PMEPA1: variants seen among roughly 807,000 people sequenced by gnomAD.
The protein encoded by PMEPA1 is protein TMEPAI.
In PMEPA1, 11 loss-of-function variants were observed where a neutral mutation model predicts 23.0. The ratio of observed to expected loss-of-function variants is 0.48; its 90% CI spans 0.30 to 0.79. PMEPA1 has a LOEUF of 0.79. Ranked by LOEUF, PMEPA1 falls within the 30% of genes least tolerant of loss-of-function variation. The pLI is 0.06. For synonymous variants in PMEPA1, 204 were observed against 166.4 expected, an observed-to-expected ratio of 1.23 and a Z score of -1.74; for missense variants, 377 against 390.9, an observed-to-expected ratio of 0.96 and a Z score of 0.30.
intron 1 of PMEPA1, among the ~76,000 whole-genome samples, chr20:57,694,429 T>A (rs764401801): frequency 8.5e-5 from 13 of 152,254 alleles, no homozygotes; most frequent in Non-Finnish European, 1.6e-4. Context: ...ATATTTTTCC[T>A]AACATACATT....
At chr20:57,696,788 G>A (rs1233459861) in intron 1 of PMEPA1, among the ~76,000 whole-genome samples, 1 of 152,240 alleles carries the variant, frequency 6.6e-6, no homozygotes, top group Non-Finnish European at 1.5e-5. Flanking sequence ...TAGAGTGAAA[G>A]GGAATGCCGC....
intron 1 of PMEPA1, among the ~76,000 whole-genome samples, chr20:57,698,660 G>A (rs1242551852): frequency 7.2e-5 from 11 of 152,194 alleles, no homozygotes; most frequent in African/African-American, 4.8e-5. Flanking sequence ...AGCTCAGCCC[G>A]GTGAGGGGAA....
rs2071867260 is a variant in PMEPA1, at chr20:57,690,563, GTC to G, written c.109+18909_109+18910del. 3.1e-6 allele frequency: 4 copies of G among 1,273,318 alleles called. No homozygotes were observed. In the African/African-American group the frequency reaches 4.6e-5, roughly 15 times the overall value. The allele number at this position is 1,273,318 out of a possible 1,614,324, so 78.9% of individuals were successfully genotyped here. On this transcript the variant is annotated intron_variant, in intron 1 of 3. Transcript: ENST00000341744. ...TTAATTAACTGTAGCAGGAGGCGGGGTCTCCATTGCTATGGCGGGTGTAGAGG... is the reference window on the plus strand; with the variant it reads ...TTAATTAACTGTAGCAGGAGGCGGGGTCCATTGCTATGGCGGGTGTAGAGG...
Position 57,648,857 on chromosome 20 carries a change from A to G in PMEPA1, c.*3196T>C, listed in dbSNP as rs973463502. The G allele has an allele frequency of 3.9e-5, 6 of 152,128 alleles. No homozygotes were observed. The highest frequency in any genetic ancestry group is 1.2e-4 in the African/African-American group (5 of 41,406). 9.4% of individuals were successfully genotyped at this position (152,128 alleles called of 1,614,324 possible). ...GAAAAAAAATTTCTCTGAAACGTAC[A>G]ATTCATAGGGACGACCAATGAGGAC... On this transcript the variant is annotated 3_prime_UTR_variant, in exon 4 of 4. Transcript: ENST00000341744.
chr20:57,652,528 AAGC>A lies in PMEPA1; in HGVS notation c.386_388del (p.Arg129_Phe130delinsLeu), dbSNP rs1315504638. ...CGGATAGGTGGGCTGGAAGCGGTGGAAGCGCTCCCGCTGGGCGAAGGGCGGCAC... is the reference window on the plus strand; with the variant it reads ...CGGATAGGTGGGCTGGAAGCGGTGGAGCTCCCGCTGGGCGAAGGGCGGCAC... On this transcript the variant is annotated inframe_deletion, in exon 4 of 4. Coordinates refer to ENST00000341744, the MANE Select transcript of PMEPA1 (RefSeq NM_020182.5). This position sits in a 1 kb window ranked among gnomAD's most constrained non-coding sequence, Gnocchi z 6.1. 6.4e-7 allele frequency: 1 copy of A among 1,565,884 alleles called. No individual in the cohort carries two copies.
intron 1 of PMEPA1, among the ~76,000 whole-genome samples, chr20:57,707,612 T>A (rs2072107029): frequency 6.6e-6 from 1 of 151,156 alleles, no homozygotes; most frequent in Admixed American, 6.6e-5. Context: ...CATGGACTGA[T>A]GAGCCTAAGA....
Position 57,683,070 on chromosome 20 carries a change from G to A in PMEPA1, c.110-23373C>T, listed in dbSNP as rs2071742241. Among the ~76,000 whole-genome samples the A allele has an allele frequency of 6.6e-6, 1 of 152,200 alleles. No homozygotes were observed. ...TTTCAATGTCATCTCTCACGCCGCA[G>A]TCTCCGGGGGCATTTACGCCACACT... On this transcript the variant is annotated intron_variant, in intron 1 of 3. Transcript: ENST00000341744. The surrounding 1 kb of genome is among the most constrained non-coding windows in gnomAD (Gnocchi z 4.3).
At position 57,649,047 on chromosome 20, in the gene PMEPA1, C is replaced by T. The variant is rs1476248606; in HGVS notation, c.*3006G>A. 1 of 152,030 alleles carries T rather than the reference C, an allele frequency of 6.6e-6. No homozygotes were observed. Among genetic ancestry groups the T allele is most frequent in the Admixed American group, 6.5e-5 (1 of 15,268 alleles). 9.4% of individuals were successfully genotyped at this position (152,030 alleles called of 1,614,324 possible). On this transcript the variant is annotated 3_prime_UTR_variant, in exon 4 of 4. Coordinates refer to ENST00000341744, the MANE Select transcript of PMEPA1 (RefSeq NM_020182.5). ...TTGCAGGGGAGATAATTTTCCTCCT[C>T]TGGAGGAAAGGTGGTGATTGACAGG...
intron 1 of PMEPA1, among the ~76,000 whole-genome samples, chr20:57,706,118 G>A (rs770116433): frequency 9.9e-5 from 15 of 152,178 alleles, no homozygotes; most frequent in Non-Finnish European, 1.9e-4. Context: ...AAAGACAGCT[G>A]CCACCGTAGA....
At chr20:57,662,712 C>T (rs1186018938) in intron 1 of PMEPA1, among the ~76,000 whole-genome samples, 1 of 152,124 alleles carries the variant, frequency 6.6e-6, no homozygotes, top group Non-Finnish European at 1.5e-5. Flanking sequence ...CCACGCCCCC[C>T]CACCCCCGGG....
rs2072148066 is a variant in PMEPA1, at chr20:57,709,911, G to GCGC, written c.-332_-330dup. The GCGC allele has an allele frequency of 1.6e-5, 16 of 1,009,456 alleles. No individual in the cohort carries two copies. The highest frequency in any genetic ancestry group is 1.8e-5 in the Non-Finnish European group (15 of 848,862). 62.5% of individuals were successfully genotyped at this position (1,009,456 alleles called of 1,614,324 possible). On this transcript the variant is annotated 5_prime_UTR_variant, in exon 1 of 4. Transcript: ENST00000341744. ...TCTGCCGCTAGCTTTCCCCAGCCGA[G>GCGC]CGCCTCCGCCGCCGCCGCCGCCGCC...
intron 1 of PMEPA1, among the ~76,000 whole-genome samples, chr20:57,681,403 G>A (rs1193589040): frequency 2.0e-5 from 3 of 152,142 alleles, no homozygotes; most frequent in African/African-American, 7.2e-5. Context: ...GGGTTGCCCC[G>A]GAGCCAGTCC....
At chr20:57,684,415 C>G (rs1445222696) in intron 1 of PMEPA1, among the ~76,000 whole-genome samples, 1 of 152,120 alleles carries the variant, frequency 6.6e-6, no homozygotes, top group Non-Finnish European at 1.5e-5. Context: ...CTGAATTTCC[C>G]AAGTCCACTG....
intron 1 of PMEPA1, among the ~76,000 whole-genome samples, chr20:57,679,957 C>T (rs548230649): frequency 2.6e-5 from 4 of 152,320 alleles, no homozygotes; most frequent in South Asian, 2.1e-4. Flanking sequence ...CCAGAGCCTG[C>T]GCCTTCCAGT....
At position 57,655,625 on chromosome 20, in the gene PMEPA1, C is replaced by A. The variant is rs2071315837; in HGVS notation, c.265-2539G>T. Among the ~76,000 whole-genome samples, 2 of 146,044 alleles carry A rather than the reference C, an allele frequency of 1.4e-5. No homozygotes were observed. Reference sequence around the variant, plus strand: ...AGCCTCTGGCTATGTCTGCCAGTCACCCCAGGTGGAGGACAAGGACAGGTT... The same window carrying A: ...AGCCTCTGGCTATGTCTGCCAGTCAACCCAGGTGGAGGACAAGGACAGGTT... On this transcript the variant is annotated intron_variant, in intron 2 of 3. Transcript: ENST00000341744. This position sits in a 1 kb window ranked among gnomAD's most constrained non-coding sequence, Gnocchi z 4.2.
In PMEPA1 at chr20:57,704,067, G is replaced by A. The variant is rs2072045762; in HGVS notation, c.109+5407C>T. On this transcript the variant is annotated intron_variant, in intron 1 of 3. Coordinates refer to ENST00000341744, the MANE Select transcript of PMEPA1 (RefSeq NM_020182.5). The surrounding 1 kb of genome is among the most constrained non-coding windows in gnomAD (Gnocchi z 4.6). ...GCAGGTCACTTGATGAGACAGATGG[G>A]GTCTGCCAGCAGGTTCTGTGGGGCT... Among the ~76,000 whole-genome samples the A allele has an allele frequency of 6.6e-6, 1 of 152,100 alleles. No homozygotes were observed. The highest frequency in any genetic ancestry group is 6.5e-5 in the Admixed American group (1 of 15,282).
At chr20:57,686,597 A>G (rs896259590) in intron 1 of PMEPA1, among the ~76,000 whole-genome samples, 6 of 152,224 alleles carry the variant, frequency 3.9e-5, no homozygotes, top group African/African-American at 1.2e-4. Flanking sequence ...TGAGGATTAA[A>G]TGCCCTTGTG....
intron 1 of PMEPA1, among the ~76,000 whole-genome samples, chr20:57,699,458 T>C (rs1017729762): frequency 6.6e-6 from 1 of 152,236 alleles, no homozygotes; most frequent in African/African-American, 2.4e-5. Context: ...AGTAAGGAGC[T>C]GACCAAAGAC....
chr20:57,654,669 A>G (rs931441618), intron 2 of PMEPA1, among the ~76,000 whole-genome samples: 1 of 152,036 alleles, frequency 6.6e-6, no homozygotes, highest in Admixed American at 6.6e-5. Flanking sequence ...TCTATTAGAC[A>G]GTTCTATCCA....
Sources: allele counts gnomAD v4.1 joint callset (sites outside exome capture counted in the v4.1 genomes callset), GRCh38; gene constraint gnomAD v4.1.1; non-coding constraint Gnocchi (gnomAD v3.1); transcripts MANE v1.5; gene names NCBI Gene and HGNC (gene_info 2026-07-23, HGNC 2026-07-21).